DHRSX: variants seen among roughly 807,000 people sequenced by gnomAD.
DHRSX encodes dehydrogenase/reductase X-linked.
A neutral mutation model predicts 34.0 loss-of-function variants in DHRSX; 31 were observed. That is an observed-to-expected ratio of 0.91 (90% CI 0.69 to 1.23). The LOEUF (loss-of-function observed/expected upper bound fraction) is 1.23. Among genes scored for constraint, DHRSX ranks in the 50% most tolerant of loss-of-function variants. The pLI is 0.00. For missense variants in DHRSX, 414 were observed against 428.1 expected, an observed-to-expected ratio of 0.97 and a Z score of 0.29; for synonymous variants, 201 against 183.8, an observed-to-expected ratio of 1.09 and a Z score of -0.76.
At chrX:2,423,282 G>A (rs1476498504) in intron 2 of DHRSX, among the ~76,000 whole-genome samples, 2 of 151,920 alleles carry the variant, frequency 1.3e-5, no homozygotes, top group Non-Finnish European at 2.9e-5. Context: ...GCATGGTGGC[G>A]GGCGCCTGTA....
At chrX:2,485,789 A>AGAAGGGAGGGAGGGAGAGAAGGAAG (rs2044895749) in intron 1 of DHRSX, among the ~76,000 whole-genome samples, 3 of 25,726 alleles carry the variant, frequency 1.2e-4, no homozygotes, top group Non-Finnish European at 2.0e-4. Context: ...GAAAAGGGAG[A>AGAAGGGAGGGAGGGAGAGAAGGAAG]GAAGGGAGAG....
chrX:2,313,679 T>G (rs2042191300), intron 3 of DHRSX, among the ~76,000 whole-genome samples: 1 of 152,114 alleles, frequency 6.6e-6, no homozygotes, highest in Non-Finnish European at 1.5e-5. Context: ...GATTTATAAT[T>G]GTTGATGAAA....
At chrX:2,481,417 G>A (rs1353693576) in intron 1 of DHRSX, among the ~76,000 whole-genome samples, 1 of 152,110 alleles carries the variant, frequency 6.6e-6, no homozygotes, top group East Asian at 1.9e-4. Flanking sequence ...TGTCATCCCA[G>A]CACTTTGGGA....
chrX:2,346,248 A>G (rs889846444), intron 3 of DHRSX, among the ~76,000 whole-genome samples: 10 of 30,876 alleles, frequency 3.2e-4, no homozygotes, highest in African/African-American at 5.0e-4. Context: ...GGTGCATCTG[A>G]CATGCCCGAG....
intron 1 of DHRSX, among the ~76,000 whole-genome samples, chrX:2,431,337 A>G (rs1252173324): frequency 3.9e-5 from 4 of 103,822 alleles, no homozygotes; most frequent in Non-Finnish European, 7.7e-5. Flanking sequence ...AAAAAAAAAA[A>G]AAAAGACAAA....
In DHRSX at chrX:2,346,773, A is replaced by G. The variant is rs756483258; in HGVS notation, c.287-55170T>C. 1.3e-4 allele frequency among the ~76,000 whole-genome samples: 20 copies of G among 151,784 alleles called. No individual in the cohort carries two copies. In the South Asian group the frequency reaches 3.8e-3, roughly 29 times the overall value. On this transcript the variant is annotated intron_variant, in intron 3 of 6. Transcript: ENST00000334651. ...TATCAACCCGTCATCTACATTAGGTATTTCTCCTAATGCTATCCCTCCCCC... is the reference window on the plus strand; with the variant it reads ...TATCAACCCGTCATCTACATTAGGTGTTTCTCCTAATGCTATCCCTCCCCC...
At chrX:2,297,781 G>A (rs1325139614) in intron 3 of DHRSX, among the ~76,000 whole-genome samples, 1 of 140,662 alleles carries the variant, frequency 7.1e-6, no homozygotes, top group African/African-American at 2.6e-5. Flanking sequence ...TTTTGACAAA[G>A]TCTTGCTCTG....
chrX:2,317,467 G>C (rs190693226), intron 3 of DHRSX, among the ~76,000 whole-genome samples: 2 of 150,894 alleles, frequency 1.3e-5, no homozygotes, highest in East Asian at 3.9e-4. Flanking sequence ...TGGCAGGCTG[G>C]TCTTGAACTC....
intron 2 of DHRSX, among the ~76,000 whole-genome samples, chrX:2,411,016 G>A (rs1260858734): frequency 6.6e-6 from 1 of 152,138 alleles, no homozygotes; most frequent in Non-Finnish European, 1.5e-5. Context: ...TTTCAGGGAG[G>A]TGGGTTTCGA....
chrX:2,345,734 C>G (rs1432026467), intron 3 of DHRSX, among the ~76,000 whole-genome samples: 2 of 151,836 alleles, frequency 1.3e-5, no homozygotes, highest in South Asian at 2.1e-4. Flanking sequence ...TGGGCCTGGT[C>G]CAATCAGTTG....
chrX:2,250,966 C>T (rs1164127384), intron 5 of DHRSX, among the ~76,000 whole-genome samples: 1 of 152,078 alleles, frequency 6.6e-6, no homozygotes, highest in Non-Finnish European at 1.5e-5. Context: ...AAGCTCGTAC[C>T]CGGGAAATCG....
chrX:2,329,807 C>T (rs1281711472), intron 3 of DHRSX, among the ~76,000 whole-genome samples: 2 of 151,976 alleles, frequency 1.3e-5, no homozygotes, highest in African/African-American at 2.4e-5. Flanking sequence ...CTACAACCCA[C>T]GAAGCAAATG....
chrX:2,382,581 A>AC (rs1225995171), intron 3 of DHRSX, among the ~76,000 whole-genome samples: 2 of 144,026 alleles, frequency 1.4e-5, no homozygotes, highest in Non-Finnish European at 3.1e-5. Context: ...CATCACCATC[A>AC]CCATCATCAT....
intron 5 of DHRSX, among the ~76,000 whole-genome samples, chrX:2,243,786 CTGTTTTTTTTT>C: frequency 4.0e-5 from 1 of 25,118 alleles, no homozygotes; most frequent in Non-Finnish European, 1.1e-4. Context: ...ACTATGCTCC[CTGTTTTTTTTT>C]TTTTTTTTTT....
At chrX:2,259,403 T>TAGATAG (rs1322613368) in intron 5 of DHRSX, among the ~76,000 whole-genome samples, 1 of 144,034 alleles carries the variant, frequency 6.9e-6, no homozygotes, top group African/African-American at 2.5e-5. Flanking sequence ...TAGATATATA[T>TAGATAG]ATAGATATAG....
At chrX:2,460,889 T>C (rs1274946837) in intron 1 of DHRSX, among the ~76,000 whole-genome samples, 3 of 152,100 alleles carry the variant, frequency 2.0e-5, no homozygotes, top group African/African-American at 7.2e-5. Context: ...AGCCTATTTT[T>C]ATTTTATTTT....
intron 3 of DHRSX, among the ~76,000 whole-genome samples, chrX:2,323,068 C>CGCCAGCT (rs1165929434): frequency 1.5e-4 from 2 of 13,108 alleles, no homozygotes; most frequent in African/African-American, 4.3e-4. Context: ...GGATTACAGG[C>CGCCAGCT]GCCACACCCA....
intron 3 of DHRSX, among the ~76,000 whole-genome samples, chrX:2,360,135 G>A (rs1257873412): frequency 1.4e-4 from 22 of 151,994 alleles, no homozygotes; most frequent in Non-Finnish European, 2.5e-4. Context: ...GGGGTGATGA[G>A]GCATGAAGCT....
intron 3 of DHRSX, among the ~76,000 whole-genome samples, chrX:2,301,041 C>G (rs1352806611): frequency 6.6e-6 from 1 of 152,166 alleles, no homozygotes; most frequent in Non-Finnish European, 1.5e-5. Context: ...TCCACGGAAA[C>G]AGAAGGTGTC....
Sources: gnomAD v4.1 joint callset for allele counts (sites outside exome capture counted in the v4.1 genomes callset) on GRCh38, gnomAD v4.1.1 for gene constraint, MANE v1.5 for transcripts, NCBI Gene and HGNC (gene_info 2026-07-23, HGNC 2026-07-21) for gene names.